The following FBXL5 variants were observed in gnomAD, a reference collection of about 807,000 sequenced individuals.
FBXL5 encodes the protein F-box and leucine rich repeat protein 5.
Under a neutral mutation model 78.3 loss-of-function variants are expected in FBXL5, and 26 were observed. The observed-to-expected ratio is 0.33, with a 90% CI of 0.24 to 0.46. FBXL5 has a LOEUF of 0.46. Ranked by LOEUF, FBXL5 falls within the 20% of genes least tolerant of loss-of-function variation. FBXL5 has a pLI of 1.00. For missense variants in FBXL5, 710 were observed against 829.2 expected (o/e 0.86, Z 1.77); for synonymous variants, 295 against 282.5 (o/e 1.04, Z -0.45).
chr4:15,666,946 T>C (rs947766733), intron 1 of FBXL5, among the ~76,000 whole-genome samples: 4 of 151,990 alleles, frequency 2.6e-5, no homozygotes, highest in Non-Finnish European at 4.4e-5. Context: ...ATTGTAGACA[T>C]ATATCAAAAC....
chr4:15,656,662 T>C (rs911983781), upstream of FBXL5, among the ~76,000 whole-genome samples: 7 of 152,240 alleles, frequency 4.6e-5, no homozygotes, highest in African/African-American at 1.4e-4. Context: ...TTCCTGGTTT[T>C]GCCAGACACT....
At chr4:15,656,587 A>T (rs566486622), upstream of FBXL5, among the ~76,000 whole-genome samples, 1 of 152,326 alleles carries the variant, frequency 6.6e-6, no homozygotes, top group East Asian at 1.9e-4. Context: ...TTCTAATCTT[A>T]TATTACTATA....
chr4:15,612,211 A>G (rs778536115), intron 10 of FBXL5, 55 bp downstream of exon 10: 2 of 1,363,636 alleles, frequency 1.5e-6, no homozygotes, highest in South Asian at 1.8e-5. Flanking sequence ...TAGAACTGCT[A>G]AAAAAAATTT....
intron 9 of FBXL5, 127 bp downstream of exon 9, chr4:15,625,125 G>T: frequency 2.0e-6 from 2 of 1,019,098 alleles, no homozygotes; most frequent in Non-Finnish European, 2.8e-6. Context: ...CTGAAGTAGG[G>T]CAGATCTTGG....
In FBXL5 at chr4:15,625,494, C is replaced by G. The variant is rs906041453; in HGVS notation, c.1608G>C (p.Gln536His). 6.2e-7 allele frequency: 1 copy of G among 1,613,942 alleles called. No homozygotes were observed. Among genetic ancestry groups the G allele is most frequent in the Admixed American group, 1.7e-5 (1 of 59,990 alleles). The change falls in exon 9 of 11, where the codon CAG (glutamine) becomes CAC (histidine). Residue 536 changes from glutamine (Q) to histidine (H), a missense_variant. By Grantham distance (24) the Gln-to-His change is conservative. Around this residue, in one of 4 missense-constraint regions of FBXL5, gnomAD observed 517 missense variants for 542.9 expected, o/e 0.95. Coordinates refer to ENST00000341285, the MANE Select transcript of FBXL5 (RefSeq NM_012161.4). ...VGLRTSVCWQ[Q>H]HCASPAFAYC... ...ACGCAAAGGCTGGAGAAGCACAATGCTGCTGCCAACAGACACTAGTCCTTA... is the reference window on the plus strand; with the variant it reads ...ACGCAAAGGCTGGAGAAGCACAATGGTGCTGCCAACAGACACTAGTCCTTA...
chr4:15,612,226 T>C (rs773178138), intron 10 of FBXL5, 40 bp downstream of exon 10: 2 of 1,445,178 alleles, frequency 1.4e-6, no homozygotes, highest in South Asian at 3.2e-5. Flanking sequence ...AAATTTTAAA[T>C]TAATTCCTTC....
At chr4:15,639,712 T>G (rs1432269800) in intron 3 of FBXL5, among the ~76,000 whole-genome samples, 4 of 152,180 alleles carry the variant, frequency 2.6e-5, no homozygotes, top group African/African-American at 7.2e-5. Flanking sequence ...TTACAATGAG[T>G]TGGGGGGCCC....
chr4:15,625,817 T>C lies in FBXL5; in HGVS notation c.1285A>G (p.Thr429Ala), dbSNP rs745993936. The C allele has an allele frequency of 1.9e-6, 3 of 1,614,020 alleles. No homozygotes were observed. Among genetic ancestry groups the C allele is most frequent in the African/African-American group, 2.7e-5 (2 of 74,920 alleles). The part of the protein sequence containing the change: ...LKTSTSKITS[T>A]AWKNKDITMQ... ...GTAATGTCTTTATTTTTCCACGCAG[T>C]TGAAGTAATTTTGCTTGTAGATGTT... Residue 429 changes from threonine to alanine, a missense_variant, in exon 9 of 11, where the codon ACT becomes GCT. Transcript: ENST00000341285.
intron 9 of FBXL5, among the ~76,000 whole-genome samples, chr4:15,618,237 A>G (rs1289598259): frequency 6.6e-6 from 1 of 152,210 alleles, no homozygotes; most frequent in Non-Finnish European, 1.5e-5. Flanking sequence ...ATAGAAATAA[A>G]GATCATAAGA....
At chr4:15,628,204 T>A (rs4698403) in intron 6 of FBXL5, among the ~76,000 whole-genome samples, 171 bp from the exon 7 acceptor site, 1 of 151,918 alleles carries the variant, frequency 6.6e-6, no homozygotes, top group Non-Finnish European at 1.5e-5. Context: ...ATGTGAAAAC[T>A]GAAAAGAACA....
intron 1 of FBXL5, 80 bp from the exon 2 acceptor site, chr4:15,644,788 T>C: frequency 3.0e-6 from 3 of 1,001,802 alleles, no homozygotes; most frequent in Non-Finnish European, 4.4e-6. Flanking sequence ...TACATCCCTA[T>C]TCACTTTTGC....
At chr4:15,630,869 G>C in intron 5 of FBXL5, 78 bp from the exon 6 acceptor site, 1 of 1,541,850 alleles carries the variant, frequency 6.5e-7, no homozygotes. Flanking sequence ...AGCTATTTAC[G>C]ATAAAAATCT....
rs536692299 is a variant in FBXL5 at position 15,653,970 on chromosome 4, C to G, written c.84+1234G>C. On this transcript the variant is annotated intron_variant, in intron 1 of 10. Transcript: ENST00000341285. ...GTTGCAAACCATTGTCCTAGACAGT[C>G]CTGGTGTTTCCAACTCATGTGAACT... 4.4e-4 allele frequency among the ~76,000 whole-genome samples: 67 copies of G among 152,320 alleles called. 1 individual carries two copies. The highest frequency in any genetic ancestry group is 1.6e-3 in the African/African-American group (67 of 41,560).
At chr4:15,618,548 G>T (rs1577431135) in intron 9 of FBXL5, among the ~76,000 whole-genome samples, 1 of 152,122 alleles carries the variant, frequency 6.6e-6, no homozygotes, top group Non-Finnish European at 1.5e-5. Context: ...ATTTAAAAAA[G>T]AATTAACATT....
chr4:15,678,129 A>T (rs914046604), intron 1 of FBXL5, among the ~76,000 whole-genome samples: 1 of 152,220 alleles, frequency 6.6e-6, no homozygotes, highest in African/African-American at 2.4e-5. Flanking sequence ...CTGTGAATTT[A>T]AAAATCAAAC....
intron 7 of FBXL5, among the ~76,000 whole-genome samples, chr4:15,627,384 C>T (rs986741732): frequency 2.6e-5 from 4 of 152,072 alleles, no homozygotes; most frequent in South Asian, 2.1e-4. Context: ...CCACCCACCT[C>T]GGTCTCCCAA....
chr4:15,665,301 T>TGGGCATCAGATGCGGTGTC (rs1256086487), intron 1 of FBXL5, among the ~76,000 whole-genome samples: 1 of 152,178 alleles, frequency 6.6e-6, no homozygotes, highest in Non-Finnish European at 1.5e-5. Flanking sequence ...CCTACCTCCC[T>TGGGCATCAGATGCGGTGTC]GGGCATCAGA....
At position 15,636,463 on chromosome 4, in the gene FBXL5, AT is replaced by A; in HGVS notation, c.766+30del. ...AATGAATATTCATCTAGAAAAATAC[AT>A]GAAAATATTTTAAAAACCCATTTAC... On this transcript the variant is annotated intron_variant, in intron 5 of 10. Coordinates refer to ENST00000341285, the MANE Select transcript of FBXL5 (RefSeq NM_012161.4). 2.0e-6 allele frequency: 3 copies of A among 1,464,146 alleles called. No individual in the cohort carries two copies. In the East Asian group the frequency reaches 7.5e-5, roughly 37 times the overall value. 90.7% of individuals were successfully genotyped at this position (1,464,146 alleles called of 1,614,324 possible).
chr4:15,605,541 T>C lies in FBXL5; in HGVS notation c.*182A>G, dbSNP rs1173105743. Reference sequence around the variant, plus strand: ...ATCCCTTTCTAAACCAAAAGTATAATTTGCAAGAGAAACAACATTACAATT... The same window carrying C: ...ATCCCTTTCTAAACCAAAAGTATAACTTGCAAGAGAAACAACATTACAATT... On this transcript the variant is annotated 3_prime_UTR_variant, in exon 11 of 11. Coordinates refer to ENST00000341285, the MANE Select transcript of FBXL5 (RefSeq NM_012161.4). The C allele has an allele frequency of 3.6e-6, 2 of 563,306 alleles. No homozygotes were observed. Among genetic ancestry groups the C allele is most frequent in the Admixed American group, 3.3e-5 (1 of 30,178 alleles). The allele number at this position is 563,306 out of a possible 1,614,324, so 34.9% of individuals were successfully genotyped here. A position where few individuals can be genotyped will look rare whatever the true frequency, so the allele number is the denominator to read the frequency against.
Sources: gnomAD v4.1 joint callset for allele counts (sites outside exome capture counted in the v4.1 genomes callset) on GRCh38, gnomAD v4.1.1 for gene constraint, gnomAD v4.1.1 regional missense constraint, MANE v1.5 for transcripts, NCBI Gene and HGNC (gene_info 2026-07-23, HGNC 2026-07-21) for gene names.